MET: variants seen among roughly 807,000 people sequenced by gnomAD.
MET encodes MET proto-oncogene, receptor tyrosine kinase.
MET carries 48 observed loss-of-function variants against 133.1 expected under a neutral mutation model. The ratio of observed to expected loss-of-function variants is 0.36; its 90% CI spans 0.29 to 0.46. MET has a LOEUF of 0.46. MET is among the 20% of genes least tolerant of loss of function. The pLI is 1.00. For missense variants in MET, 1,442 were observed against 1,695.9 expected (o/e 0.85, Z 2.63); for synonymous variants, 628 against 616.5 (o/e 1.02, Z -0.28).
chr7:116,797,002 A>G lies in MET; in HGVS notation c.*878A>G, dbSNP rs945454632. 5.5e-6 allele frequency: 1 copy of G among 183,012 alleles called. No individual in the cohort carries two copies. Among genetic ancestry groups the G allele is most frequent in the African/African-American group, 2.4e-5 (1 of 42,504 alleles). 11.3% of individuals were successfully genotyped at this position (183,012 alleles called of 1,614,324 possible). ...TCAAAGTTTCAAAATAGCATCACAC[A>G]AAACATGTTTATAAATGAACAGGAT... On this transcript the variant is annotated 3_prime_UTR_variant, in exon 21 of 21. Transcript: ENST00000397752.
chr7:116,721,271 C>T (rs887976119), intron 2 of MET, among the ~76,000 whole-genome samples: 14 of 152,296 alleles, frequency 9.2e-5, no homozygotes, highest in South Asian at 8.3e-4. Context: ...AGTTTATTTG[C>T]GTAGAAGTGT....
chr7:116,764,506 G>A (rs1209717213), intron 11 of MET, among the ~76,000 whole-genome samples: 1 of 151,930 alleles, frequency 6.6e-6, no homozygotes, highest in Non-Finnish European at 1.5e-5. Context: ...TGTGCAAATA[G>A]TTTTACACTC....
intron 6 of MET, among the ~76,000 whole-genome samples, chr7:116,755,824 T>C (rs1474057520): frequency 6.6e-6 from 1 of 152,210 alleles, no homozygotes; most frequent in Non-Finnish European, 1.5e-5. Context: ...CTAGTTGGGA[T>C]CACTTCATCC....
chr7:116,735,875 C>G (rs1793193346), intron 3 of MET, among the ~76,000 whole-genome samples: 1 of 148,750 alleles, frequency 6.7e-6, no homozygotes, highest in Non-Finnish European at 1.5e-5. Flanking sequence ...CTCCAGTATT[C>G]AAGCAATTCT....
At chr7:116,789,243 G>A (rs919032220) in intron 19 of MET, among the ~76,000 whole-genome samples, 3 of 151,830 alleles carry the variant, frequency 2.0e-5, no homozygotes, top group African/African-American at 7.3e-5. Context: ...TTGTCTTTAG[G>A]GGTCATCCTC....
intron 2 of MET, among the ~76,000 whole-genome samples, chr7:116,715,228 A>G (rs1792147456): frequency 6.6e-6 from 1 of 152,214 alleles, no homozygotes; most frequent in Non-Finnish European, 1.5e-5. Context: ...GCTGAAAACA[A>G]CAGAAATTTA....
In MET at chr7:116,798,228, A is replaced by G. The variant is rs1040585823; in HGVS notation, c.*2104A>G. The G allele has an allele frequency of 3.8e-5, 8 of 209,356 alleles. No homozygotes were observed. Among genetic ancestry groups the G allele is most frequent in the African/African-American group, 1.8e-4 (8 of 43,994 alleles). The allele number at this position is 209,356 out of a possible 1,614,324, so 13.0% of individuals were successfully genotyped here. On this transcript the variant is annotated 3_prime_UTR_variant, in exon 21 of 21. Coordinates refer to ENST00000397752, the MANE Select transcript of MET (RefSeq NM_000245.4). ...GTTTGCTATTTATAAACTTGTCCTTAGATTAATGTGTCTGGACAGATTGTG... is the reference window on the plus strand; with the variant it reads ...GTTTGCTATTTATAAACTTGTCCTTGGATTAATGTGTCTGGACAGATTGTG...
At chr7:116,714,123 T>G (rs1792104272) in intron 2 of MET, among the ~76,000 whole-genome samples, 1 of 152,202 alleles carries the variant, frequency 6.6e-6, no homozygotes, top group African/African-American at 2.4e-5. Context: ...ATGATTGAAG[T>G]GCAGTATGAA....
At chr7:116,732,496 C>T (rs1054551997) in intron 3 of MET, among the ~76,000 whole-genome samples, 1 of 152,176 alleles carries the variant, frequency 6.6e-6, no homozygotes, top group African/African-American at 2.4e-5. Context: ...AACCATAGCA[C>T]TTTGCAGAAA....
At position 116,700,044 on chromosome 7, in the gene MET, G is replaced by T. The variant is rs191198682; in HGVS notation, c.960G>T (p.Ala320=). ...KKEVFNILQA[A]YVSKPGAQLA... ...AAGTGTTTAATATACTTCAGGCTGC[G>T]TATGTCAGCAAGCCTGGGGCCCAGC... Residue 320 remains alanine (A), a synonymous_variant, in exon 2 of 21, where the codon GCG becomes GCT. Transcript: ENST00000397752. 5 of 1,613,934 alleles carry T rather than the reference G, an allele frequency of 3.1e-6. No homozygotes were observed. The highest frequency in any genetic ancestry group is 2.2e-5 in the East Asian group (1 of 44,886).
At chr7:116,740,165 A>G (rs2116829607) in intron 4 of MET, 81 bp downstream of exon 4, 2 of 1,498,172 alleles carry the variant, frequency 1.3e-6, no homozygotes, top group Non-Finnish European at 9.3e-7. Context: ...TTGGCCCTTT[A>G]TAATGTCTCT....
chr7:116,681,628 G>T (rs867956036), intron 1 of MET, among the ~76,000 whole-genome samples: 2 of 152,180 alleles, frequency 1.3e-5, no homozygotes, highest in African/African-American at 2.4e-5. Context: ...CTTCTATCAA[G>T]GCCTGCCTTC....
At position 116,759,396 on chromosome 7, in the gene MET, G is replaced by C; in HGVS notation, c.2270G>C (p.Gly757Ala). 1 of 1,613,408 alleles carries C rather than the reference G, an allele frequency of 6.2e-7. No individual in the cohort carries two copies. The highest frequency in any genetic ancestry group is 8.5e-7 in the Non-Finnish European group (1 of 1,179,754). The change falls in exon 10 of 21, where the codon GGG (glycine) becomes GCG (alanine). Residue 757 changes from glycine to alanine, a missense_variant. Gly to Ala is a moderately conservative substitution (Grantham distance 60). Transcript: ENST00000397752. ...IHPTKSFISG[G>A]STITGVGKNL... The stretch of plus-strand genomic sequence containing the variant: ...TTTCTATTTTGCTTTGCCAGTGGTG[G>C]GAGCACAATAACAGGTGTTGGGAAA...
rs1793379665 is a variant in MET, at chr7:116,739,977, A to G, written c.1420A>G (p.Thr474Ala). ...TGTGGTTTCTCGATCAGGACCATCA[A>G]CCCCTCATGTGAATTTTCTCCTGGA... ...QVVVSRSGPS[T>A]PHVNFLLDSH... The change falls in exon 4 of 21, where the codon ACC becomes GCC. Residue 474 changes from threonine to alanine, a missense_variant. Thr to Ala is a moderately conservative substitution (Grantham distance 58). Around this residue, in one of 6 missense-constraint regions of MET, gnomAD observed 762 missense variants for 792.4 expected, o/e 0.96. Coordinates refer to ENST00000397752, the MANE Select transcript of MET (RefSeq NM_000245.4). The G allele has an allele frequency of 6.2e-7, 1 of 1,613,964 alleles. No homozygotes were observed. Among genetic ancestry groups the G allele is most frequent in the Non-Finnish European group, 8.5e-7 (1 of 1,179,978 alleles).
chr7:116,708,063 A>G (rs1271507677), intron 2 of MET, among the ~76,000 whole-genome samples: 3 of 152,186 alleles, frequency 2.0e-5, no homozygotes, highest in Non-Finnish European at 4.4e-5. Flanking sequence ...TAGTATTACA[A>G]TGGAGAATGA....
At chr7:116,676,688 G>A (rs1796171461) in intron 1 of MET, among the ~76,000 whole-genome samples, 1 of 152,128 alleles carries the variant, frequency 6.6e-6, no homozygotes, top group Admixed American at 6.5e-5. Context: ...CTTCAAAGGT[G>A]GGCTTTGGGC....
rs2116584958 is a variant in MET, at chr7:116,699,372, C to G, written c.288C>G (p.Phe96Leu). 1 of 1,614,012 alleles carries G rather than the reference C, an allele frequency of 6.2e-7. No individual in the cohort carries two copies. Among genetic ancestry groups the G allele is most frequent in the South Asian group, 1.1e-5 (1 of 91,080 alleles). ...TGPVLEHPDC[F>L]PCQDCSSKAN... ...CTGTGCTGGAACACCCAGATTGTTT[C>G]CCATGTCAGGACTGCAGCAGCAAAG... The change falls in exon 2 of 21, where the codon TTC (phenylalanine) becomes TTG (leucine). Residue 96 changes from phenylalanine to leucine, a missense_variant. Physicochemically the swap from Phe to Leu is conservative, Grantham distance 22. Coordinates refer to ENST00000397752, the MANE Select transcript of MET (RefSeq NM_000245.4).
chr7:116,698,356 G>A (rs754825675), intron 1 of MET, among the ~76,000 whole-genome samples: 2 of 152,138 alleles, frequency 1.3e-5, no homozygotes, highest in Non-Finnish European at 2.9e-5. Flanking sequence ...AGTAGTTCTA[G>A]GACTTTAGTT....
chr7:116,692,879 T>G (rs1258733340), intron 1 of MET, among the ~76,000 whole-genome samples: 1 of 152,230 alleles, frequency 6.6e-6, no homozygotes, highest in Non-Finnish European at 1.5e-5. Flanking sequence ...TGAATCATCT[T>G]TACGTGTTCC....
Sources: gnomAD v4.1 joint callset for allele counts (sites outside exome capture counted in the v4.1 genomes callset) on GRCh38, gnomAD v4.1.1 for gene constraint, gnomAD v4.1.1 regional missense constraint, MANE v1.5 for transcripts, NCBI Gene and HGNC (gene_info 2026-07-23, HGNC 2026-07-21) for gene names.